Variants in HK1 observed in about 807,000 individuals in gnomAD.
The protein encoded by HK1 is hexokinase-1.
In HK1, 28 loss-of-function variants were observed where a neutral mutation model predicts 91.6. The ratio of observed to expected loss-of-function variants is 0.31; its 90% CI spans 0.23 to 0.42. The LOEUF is 0.42. Among genes scored for constraint, HK1 ranks in the 10% least tolerant of loss-of-function variants. HK1 has a pLI of 1.00. For missense variants in HK1, 770 were observed against 1,219.8 expected (o/e 0.63, Z 5.49); for synonymous variants, 430 against 468.1 (o/e 0.92, Z 1.05).
chr10:69,274,157 A>C (rs959030432), intron 1 of HK1, among the ~76,000 whole-genome samples: 1 of 152,146 alleles, frequency 6.6e-6, no homozygotes, highest in African/African-American at 2.4e-5. Flanking sequence ...TTCGTTTCAA[A>C]TATCAGCTGA....
intron 4 of HK1, among the ~76,000 whole-genome samples, chr10:69,367,984 G>A (rs1323497936): frequency 3.9e-5 from 6 of 152,202 alleles, no homozygotes; most frequent in Non-Finnish European, 5.9e-5. Context: ...TACAAATGGC[G>A]GTTAAGTCCC....
At chr10:69,283,813 A>G (rs373476092) in intron 2 of HK1, among the ~76,000 whole-genome samples, 15 of 150,444 alleles carry the variant, frequency 1.0e-4, no homozygotes, top group Admixed American at 7.3e-4. Context: ...AAAAAAAAAA[A>G]AAAAGAAAAG....
At chr10:69,347,510 A>G (rs1848625959) in intron 2 of HK1, among the ~76,000 whole-genome samples, 1 of 150,366 alleles carries the variant, frequency 6.7e-6, no homozygotes, top group Non-Finnish European at 1.5e-5. Context: ...ATCTCGGCTC[A>G]CTGCAACCTC....
At chr10:69,397,706 A>C (rs535440500) in intron 16 of HK1, among the ~76,000 whole-genome samples, 15 of 152,256 alleles carry the variant, frequency 9.9e-5, no homozygotes, top group Non-Finnish European at 2.2e-4. Flanking sequence ...TTACATGGTA[A>C]GTCCTCCAAG....
rs1469879252 is a variant in HK1 at position 69,380,202 on chromosome 10, C to T, written c.1265+107C>T. Reference sequence around the variant, plus strand: ...GGTAAACGTTTTTCGGCAGACAAGACAATGGTGGTCGGGGGCTGTGGCTCA... The same window carrying T: ...GGTAAACGTTTTTCGGCAGACAAGATAATGGTGGTCGGGGGCTGTGGCTCA... On this transcript the variant is annotated intron_variant, in intron 9 of 17. Transcript: ENST00000359426. This position sits in a 1 kb window ranked among gnomAD's most constrained non-coding sequence, Gnocchi z 4.0. The T allele has an allele frequency of 1.1e-6, 1 of 883,814 alleles. No homozygotes were observed. Among genetic ancestry groups the T allele is most frequent in the Non-Finnish European group, 1.9e-6 (1 of 540,492 alleles). 54.7% of individuals were successfully genotyped at this position (883,814 alleles called of 1,614,324 possible).
At chr10:69,347,128 C>G (rs544512118) in intron 2 of HK1, among the ~76,000 whole-genome samples, 9 of 152,032 alleles carry the variant, frequency 5.9e-5, no homozygotes, top group Admixed American at 4.6e-4. Flanking sequence ...CCTGCCTTAG[C>G]ACCCCCTACG....
chr10:69,293,806 C>G (rs1038419358), intron 3 of HK1, among the ~76,000 whole-genome samples: 2 of 151,326 alleles, frequency 1.3e-5, no homozygotes, highest in Admixed American at 6.6e-5. Flanking sequence ...TGCAAGGGTT[C>G]CAAGAGCAGC....
At position 69,369,356 on chromosome 10, in the gene HK1, C is replaced by G. The variant is rs762806876; in HGVS notation, c.691+20C>G. 4 of 1,613,094 alleles carry G rather than the reference C, an allele frequency of 2.5e-6. No individual in the cohort carries two copies. Among genetic ancestry groups the G allele is most frequent in the Non-Finnish European group, 3.4e-6 (4 of 1,179,136 alleles). On this transcript the variant is annotated intron_variant, in intron 6 of 17. Transcript: ENST00000359426. This position sits in a 1 kb window ranked among gnomAD's most constrained non-coding sequence, Gnocchi z 4.4. ...TCATCGGTAATGCATTCCCCTTTGCCCATCCATTTGTTCGGCCCATCTTTC... is the reference window on the plus strand; with the variant it reads ...TCATCGGTAATGCATTCCCCTTTGCGCATCCATTTGTTCGGCCCATCTTTC...
intron 1 of HK1, chr10:69,338,718 T>A: frequency 5.5e-6 from 7 of 1,263,512 alleles, no homozygotes; most frequent in Non-Finnish European, 7.2e-6. Context: ...TGTAAGTACT[T>A]GTGTGTGTAT....
intron 1 of HK1, among the ~76,000 whole-genome samples, chr10:69,281,276 C>T (rs1844734162): frequency 6.6e-6 from 1 of 152,160 alleles, no homozygotes; most frequent in Non-Finnish European, 1.5e-5. Context: ...CTAACAAGTT[C>T]CCACCTAATG....
intron 15 of HK1, among the ~76,000 whole-genome samples, chr10:69,393,182 T>C (rs552343563): frequency 6.6e-6 from 1 of 152,114 alleles, no homozygotes; most frequent in East Asian, 1.9e-4. Flanking sequence ...GGTTTCTCCA[T>C]GTTGGTCAGG....
intron 1 of HK1, among the ~76,000 whole-genome samples, chr10:69,276,118 A>AAAAAAAAAAAAAAATATATAT: frequency 2.6e-5 from 1 of 38,262 alleles, no homozygotes; most frequent in Non-Finnish European, 5.1e-5. Flanking sequence ...AAAAAAAAAA[A>AAAAAAAAAAAAAAATATATAT]ATACATATAT....
At chr10:69,395,353 G>A (rs1490399720) in intron 16 of HK1, among the ~76,000 whole-genome samples, 7 of 152,132 alleles carry the variant, frequency 4.6e-5, no homozygotes, top group African/African-American at 9.7e-5. Flanking sequence ...CGAGGCAGGC[G>A]GATCATGAGG....
At chr10:69,348,069 C>G (rs1030965558) in intron 2 of HK1, among the ~76,000 whole-genome samples, 4 of 152,056 alleles carry the variant, frequency 2.6e-5, no homozygotes, top group Non-Finnish European at 5.9e-5. Flanking sequence ...CTCATTTATC[C>G]CTAAGGATAT....
Position 69,299,512 on chromosome 10 carries a change from G to A in HK1, c.-66-1257G>A, listed in dbSNP as rs1226391483. On this transcript the variant is annotated intron_variant, in intron 4 of 21. Transcript: ENST00000360289. ...CTCCCGAGTAGTTGGGATTACAGGC[G>A]TGCGCCACCAGGCCCAGCTAATTTT... Among the ~76,000 whole-genome samples, 5 of 151,492 alleles carry A rather than the reference G, an allele frequency of 3.3e-5. No homozygotes were observed. In the East Asian group the frequency reaches 5.8e-4, roughly 18 times the overall value.
At chr10:69,371,074 A>C (rs1354783952) in intron 7 of HK1, among the ~76,000 whole-genome samples, 2 of 152,226 alleles carry the variant, frequency 1.3e-5, no homozygotes, top group Non-Finnish European at 2.9e-5. Flanking sequence ...CATGACCCAA[A>C]AGATCTCAGT....
At chr10:69,276,100 A>T (rs12780875) in intron 1 of HK1, among the ~76,000 whole-genome samples, 2 of 43,400 alleles carry the variant, frequency 4.6e-5, no homozygotes, top group East Asian at 2.4e-3. Context: ...CAAAAAAAAA[A>T]AAAAAAAAAA....
intron 1 of HK1, chr10:69,271,130 T>C (rs923295393): frequency 1.3e-5 from 2 of 152,178 alleles, no homozygotes; most frequent in Non-Finnish European, 2.9e-5. Context: ...GAAAGAAAGA[T>C]ATATAAATAT....
chr10:69,327,360 C>T (rs568365964), intron 1 of HK1, among the ~76,000 whole-genome samples: 11 of 152,268 alleles, frequency 7.2e-5, no homozygotes, highest in African/African-American at 2.6e-4. Context: ...TCTTTTAGCT[C>T]AACATTGTAT....
Sources: allele counts gnomAD v4.1 joint callset (sites outside exome capture counted in the v4.1 genomes callset), GRCh38; gene constraint gnomAD v4.1.1; non-coding constraint Gnocchi (gnomAD v3.1); transcripts MANE v1.5; gene names NCBI Gene and HGNC (gene_info 2026-07-23, HGNC 2026-07-21).